Variants in ACACB observed in about 807,000 individuals in gnomAD.
ACACB encodes the protein acetyl-CoA carboxylase beta.
In ACACB, 209 loss-of-function variants were observed where a neutral mutation model predicts 278.8. The observed-to-expected ratio is 0.75, with a 90% CI of 0.67 to 0.84. The LOEUF (loss-of-function observed/expected upper bound fraction) is 0.84. Among genes scored for constraint, ACACB ranks in the 40% least tolerant of loss-of-function variants. The pLI, the probability that ACACB is intolerant of heterozygous loss-of-function variation, is 0.00. For missense variants in ACACB, 2,850 were observed against 3,269.0 expected (o/e 0.87, Z 3.13); for synonymous variants, 1,174 against 1,285.6 (o/e 0.91, Z 1.86).
At chr12:109,115,087 G>T (rs966503944), upstream of ACACB, among the ~76,000 whole-genome samples, 1 of 152,148 alleles carries the variant, frequency 6.6e-6, no homozygotes, top group Non-Finnish European at 1.5e-5. Context: ...TGTATGTGTG[G>T]GTATGTCTAG....
chr12:109,216,704 A>T lies in ACACB; in HGVS notation c.3437A>T (p.Gln1146Leu), dbSNP rs1192740349. Residue 1146 changes from glutamine to leucine, a missense_variant and splice_region_variant, in exon 23 of 53, where the codon CAA becomes CTA. This residue lies in a region of ACACB where 2,265 missense variants were observed against 2,561.3 expected (regional missense o/e 0.88). Transcript: ENST00000338432. ...TTGCGTGTTGAGCACCATTTTCAGC[A>T]AGGCAAGAGATGCTGATGCCAACAC... ...RYLRVEHHFQQAHYDKCVINL... is the reference protein window; with the variant it reads ...RYLRVEHHFQLAHYDKCVINL... 6.2e-7 allele frequency: 1 copy of T among 1,614,172 alleles called. No homozygotes were observed. Among genetic ancestry groups the T allele is most frequent in the South Asian group, 1.1e-5 (1 of 91,082 alleles).
intron 26 of ACACB, 70 bp from the exon 27 acceptor site, chr12:109,223,745 T>G (rs1000199676): frequency 3.4e-6 from 5 of 1,465,610 alleles, no homozygotes; most frequent in Non-Finnish European, 4.8e-6. Context: ...TTATCTCAAA[T>G]AAAAACAAAG....
Position 109,139,791 on chromosome 12 carries a change from A to C in ACACB, c.386A>C (p.Asp129Ala). 1 of 1,614,178 alleles carries C rather than the reference A, an allele frequency of 6.2e-7. No homozygotes were observed. Among genetic ancestry groups the C allele is most frequent in the Non-Finnish European group, 8.5e-7 (1 of 1,180,040 alleles). ...GTGTQGLEAT[D>A]TNGLSSSARP... ...GGGACACAAGGTCTGGAGGCCACAG[A>C]TACCAATGGCCTGTCCTCCTCAGCC... The change falls in exon 2 of 53, where the codon GAT becomes GCT. Residue 129 changes from aspartate (D) to alanine (A), a missense_variant. Transcript: ENST00000338432.
At chr12:109,204,655 C>T (rs2045442375) in intron 19 of ACACB, among the ~76,000 whole-genome samples, 1 of 151,964 alleles carries the variant, frequency 6.6e-6, no homozygotes, top group Admixed American at 6.6e-5. Flanking sequence ...CCCCACTACC[C>T]TTCCCAGACC....
At chr12:109,210,414 T>TGTGTATATATGTATATACACGCACACAC in intron 21 of ACACB, among the ~76,000 whole-genome samples, 1 of 140,204 alleles carries the variant, frequency 7.1e-6, no homozygotes, top group South Asian at 2.2e-4. Flanking sequence ...CGCACACACA[T>TGTGTATATATGTATATACACGCACACAC]GTGTATATAT....
chr12:109,215,366 T>A (rs1236478812), intron 22 of ACACB, among the ~76,000 whole-genome samples: 3 of 152,112 alleles, frequency 2.0e-5, no homozygotes, highest in Non-Finnish European at 4.4e-5. Flanking sequence ...TGCCTCCAGT[T>A]TGATGTGGGA....
At chr12:109,242,947 C>T (rs1006710753) in intron 37 of ACACB, among the ~76,000 whole-genome samples, 2 of 151,934 alleles carry the variant, frequency 1.3e-5, no homozygotes, top group African/African-American at 4.8e-5. Flanking sequence ...GGCTGGGTGA[C>T]CGAGTGAGAC....
intron 18 of ACACB, among the ~76,000 whole-genome samples, chr12:109,201,032 T>G (rs2045314377): frequency 6.6e-6 from 1 of 152,144 alleles, no homozygotes; most frequent in Non-Finnish European, 1.5e-5. Context: ...GCAAGAGAGA[T>G]AGCACAGTCC....
intron 2 of ACACB, among the ~76,000 whole-genome samples, chr12:109,162,117 C>T (rs2043747651): frequency 6.6e-6 from 1 of 152,082 alleles, no homozygotes; most frequent in Non-Finnish European, 1.5e-5. Context: ...GCTGAGACTA[C>T]AGGCGTGCGC....
chr12:109,138,736 G>C (rs2043029722), intron 1 of ACACB, among the ~76,000 whole-genome samples: 2 of 152,104 alleles, frequency 1.3e-5, no homozygotes, highest in African/African-American at 2.4e-5. Flanking sequence ...CATGCCTGTA[G>C]CCCAAGCTAC....
chr12:109,210,462 T>C (rs11503165), intron 21 of ACACB, among the ~76,000 whole-genome samples: 4,849 of 118,694 alleles, frequency 0.041, 230 homozygotes, highest in African/African-American at 0.079. Flanking sequence ...TATGTATATA[T>C]ACGCACATAC....
chr12:109,174,141 G>T lies in ACACB; in HGVS notation c.1127G>T (p.Ser376Ile). 2 of 1,611,452 alleles carry T rather than the reference G, an allele frequency of 1.2e-6. No homozygotes were observed. The highest frequency in any genetic ancestry group is 2.2e-5 in the East Asian group (1 of 44,820). The change falls in exon 7 of 53, where the codon AGT becomes ATT. Residue 376 changes from serine to isoleucine, a missense_variant. By Grantham distance (142) the Ser-to-Ile change is moderately radical. Coordinates refer to ENST00000338432, the MANE Select transcript of ACACB (RefSeq NM_001093.4). ...KNGVAFLGPPSEAMWALGDKI... is the reference protein window; with the variant it reads ...KNGVAFLGPPIEAMWALGDKI... ...GTCCCCGATTCCTCAGGCCCTCCCAGTGAGGCCATGTGGGCCTTAGGAGAT... is the reference window on the plus strand; with the variant it reads ...GTCCCCGATTCCTCAGGCCCTCCCATTGAGGCCATGTGGGCCTTAGGAGAT...
intron 2 of ACACB, among the ~76,000 whole-genome samples, chr12:109,156,178 C>T (rs1049863751): frequency 1.1e-4 from 16 of 152,100 alleles, no homozygotes; most frequent in Admixed American, 9.8e-4. Flanking sequence ...GTGCTATGAT[C>T]GTTCCTGTGA....
intron 2 of ACACB, among the ~76,000 whole-genome samples, chr12:109,150,971 C>CTTTTT (rs2043355331): frequency 6.9e-6 from 1 of 144,396 alleles, no homozygotes; most frequent in Admixed American, 7.1e-5. Context: ...CTTTTCTTTT[C>CTTTTT]TTTTTTCTTT....
chr12:109,112,688 CA>C (rs57131257), upstream of ACACB, among the ~76,000 whole-genome samples: 22,793 of 102,954 alleles, frequency 0.22, 1,425 homozygotes, highest in East Asian at 0.51. Context: ...AACTCCGTCT[CA>C]AAAAAAAAAA....
At chr12:109,207,911 C>G (rs140826025) in intron 20 of ACACB, among the ~76,000 whole-genome samples, 1 of 152,208 alleles carries the variant, frequency 6.6e-6, no homozygotes, top group East Asian at 1.9e-4. Context: ...AACTCCTGAC[C>G]TCAGGTGATC....
In ACACB at chr12:109,256,705, A is replaced by C. The variant is rs920849398; in HGVS notation, c.6263+469A>C. Among the ~76,000 whole-genome samples, 4 of 152,238 alleles carry C rather than the reference A, an allele frequency of 2.6e-5. No homozygotes were observed. In the South Asian group the frequency reaches 8.3e-4, roughly 32 times the overall value. Reference sequence around the variant, plus strand: ...TCCACCTGCCTGAAAGTTCCTCCTTATAATGAGCCCCGAGCTCCCTCCTCA... The same window carrying C: ...TCCACCTGCCTGAAAGTTCCTCCTTCTAATGAGCCCCGAGCTCCCTCCTCA... On this transcript the variant is annotated intron_variant, in intron 45 of 52. Transcript: ENST00000338432.
intron 11 of ACACB, among the ~76,000 whole-genome samples, chr12:109,185,260 G>A (rs1344448456): frequency 6.6e-6 from 1 of 152,144 alleles, no homozygotes; most frequent in Non-Finnish European, 1.5e-5. Context: ...AGCCAACATG[G>A]TTGCTTCTCA....
rs553942148 is a variant in ACACB at position 109,184,775 on chromosome 12, C to T, written c.1819-804C>T. 7.9e-5 allele frequency among the ~76,000 whole-genome samples: 12 copies of T among 151,048 alleles called. No individual in the cohort carries two copies. In the South Asian group the frequency reaches 1.0e-3, roughly 13 times the overall value. On this transcript the variant is annotated intron_variant, in intron 11 of 52. Coordinates refer to ENST00000338432, the MANE Select transcript of ACACB (RefSeq NM_001093.4). ...AGGCTGGAATGCAGTGGTGCAATCA[C>T]GACTCACTACAGATTCAACCTCCCA...
Sources: allele counts gnomAD v4.1 joint callset (sites outside exome capture counted in the v4.1 genomes callset), GRCh38; gene constraint gnomAD v4.1.1; regional missense constraint gnomAD v4.1.1; transcripts MANE v1.5; gene names NCBI Gene and HGNC (gene_info 2026-07-23, HGNC 2026-07-21).